Variants in RSBN1L observed in about 807,000 individuals in gnomAD.
RSBN1L encodes round spermatid basic protein 1 like, also known as lysine-specific demethylase RSBN1L.
RSBN1L carries 30 observed loss-of-function variants against 67.7 expected under a neutral mutation model. The ratio of observed to expected loss-of-function variants is 0.44; its 90% CI spans 0.33 to 0.60. The LOEUF (loss-of-function observed/expected upper bound fraction) is 0.60, where lower values mean the gene tolerates loss of function less well. Among genes scored for constraint, RSBN1L ranks in the 20% least tolerant of loss-of-function variants. RSBN1L has a pLI of 0.02. For missense variants in RSBN1L, 992 were observed against 1,031.7 expected (o/e 0.96, Z 0.53); for synonymous variants, 433 against 387.0 (o/e 1.12, Z -1.39).
intron 1 of RSBN1L, among the ~76,000 whole-genome samples, chr7:77,723,613 C>T (rs1022513316): frequency 4.6e-5 from 7 of 152,212 alleles, no homozygotes; most frequent in African/African-American, 1.7e-4. Context: ...GGACTGCAGG[C>T]ATGTACCACC....
At chr7:77,711,403 G>A (rs1430142549) in intron 1 of RSBN1L, among the ~76,000 whole-genome samples, 2 of 149,070 alleles carry the variant, frequency 1.3e-5, no homozygotes, top group Non-Finnish European at 1.5e-5. Context: ...GCAGTGGCTT[G>A]ATTATAGCCC....
chr7:77,746,891 C>T (rs1308906685), intron 2 of RSBN1L, among the ~76,000 whole-genome samples: 1 of 152,168 alleles, frequency 6.6e-6, no homozygotes, highest in Non-Finnish European at 1.5e-5. Context: ...ACTCCATGAC[C>T]CACATCCAGG....
intron 6 of RSBN1L, among the ~76,000 whole-genome samples, chr7:77,775,982 G>A (rs1584306893): frequency 6.6e-6 from 1 of 152,164 alleles, no homozygotes; most frequent in East Asian, 1.9e-4. Flanking sequence ...CTTGAACCTA[G>A]GAGGTGAAGG....
At chr7:77,736,606 A>T in intron 2 of RSBN1L, 80 bp downstream of exon 2, 5 of 774,452 alleles carry the variant, frequency 6.5e-6, no homozygotes, top group East Asian at 4.0e-5. Context: ...AAAATAAGAA[A>T]TGTTATTTGG....
At chr7:77,771,272 T>TG (rs1562810400) in intron 5 of RSBN1L, among the ~76,000 whole-genome samples, 146 of 151,714 alleles carry the variant, frequency 9.6e-4, no homozygotes, top group Middle Eastern at 3.4e-3. Flanking sequence ...CGGTTTTAGC[T>TG]GTTACAGTGA....
chr7:77,723,132 A>T (rs950791029), intron 1 of RSBN1L, among the ~76,000 whole-genome samples: 30 of 151,682 alleles, frequency 2.0e-4, no homozygotes, highest in African/African-American at 7.3e-4. Flanking sequence ...TCGCCTGGCT[A>T]ATTTTGTATT....
chr7:77,708,891 G>A (rs986149882), intron 1 of RSBN1L, among the ~76,000 whole-genome samples: 5 of 152,092 alleles, frequency 3.3e-5, no homozygotes, highest in African/African-American at 1.2e-4. Flanking sequence ...GACATGGCAA[G>A]GAAAACCTAG....
At chr7:77,720,579 A>AAGTGTTATTATCTATAC (rs1387577802) in intron 1 of RSBN1L, among the ~76,000 whole-genome samples, 1 of 152,164 alleles carries the variant, frequency 6.6e-6, no homozygotes, top group Non-Finnish European at 1.5e-5. Flanking sequence ...TGCAGAAGAC[A>AAGTGTTATTATCTATAC]AGTGTTATTA....
chr7:77,722,790 T>C (rs1362703789), intron 1 of RSBN1L, among the ~76,000 whole-genome samples: 1 of 151,934 alleles, frequency 6.6e-6, no homozygotes, highest in Admixed American at 6.6e-5. Flanking sequence ...AATGTCATTG[T>C]TGTCGTTCAG....
intron 1 of RSBN1L, among the ~76,000 whole-genome samples, chr7:77,728,403 A>T (rs190604390): frequency 8.5e-5 from 13 of 152,292 alleles, no homozygotes. Context: ...TGAAGAGTTC[A>T]TTTCCATAGT....
chr7:77,719,975 GGCT>G (rs1275393413), intron 1 of RSBN1L, among the ~76,000 whole-genome samples: 3 of 152,122 alleles, frequency 2.0e-5, no homozygotes, highest in Non-Finnish European at 4.4e-5. Context: ...ATATTGTCCA[GGCT>G]GGCCTTGAAC....
At chr7:77,722,535 G>A (rs1280497337) in intron 1 of RSBN1L, among the ~76,000 whole-genome samples, 1 of 152,146 alleles carries the variant, frequency 6.6e-6, no homozygotes, top group African/African-American at 2.4e-5. Context: ...TTAGCGAGGG[G>A]CTGTGATAAA....
intron 1 of RSBN1L, among the ~76,000 whole-genome samples, chr7:77,711,034 T>G (rs768711736): frequency 6.6e-6 from 1 of 152,190 alleles, no homozygotes; most frequent in Non-Finnish European, 1.5e-5. Flanking sequence ...TGCAGTATAT[T>G]TCAGCCCTTT....
chr7:77,729,423 A>G (rs1461480339), intron 1 of RSBN1L, among the ~76,000 whole-genome samples: 1 of 152,194 alleles, frequency 6.6e-6, no homozygotes, highest in Admixed American at 6.5e-5. Flanking sequence ...AAACCAGATG[A>G]GATTATTTTG....
intron 1 of RSBN1L, among the ~76,000 whole-genome samples, chr7:77,727,667 T>G (rs1245213234): frequency 1.3e-5 from 2 of 152,068 alleles, no homozygotes; most frequent in Non-Finnish European, 2.9e-5. Context: ...GGCCTCACTT[T>G]CTTCCCCAGG....
intron 5 of RSBN1L, among the ~76,000 whole-genome samples, chr7:77,772,223 A>C (rs190644172): frequency 1.4e-4 from 22 of 152,232 alleles, no homozygotes; most frequent in Non-Finnish European, 2.4e-4. Context: ...GGGGTGCACA[A>C]AGAGTAGTTA....
intron 2 of RSBN1L, among the ~76,000 whole-genome samples, chr7:77,740,679 A>G (rs530603005): frequency 6.6e-6 from 1 of 152,354 alleles, no homozygotes; most frequent in South Asian, 2.1e-4. Flanking sequence ...AATTAGTGGT[A>G]GAATTAACTC....
chr7:77,697,626 T>G (rs1301148697), intron 1 of RSBN1L, among the ~76,000 whole-genome samples: 1 of 152,146 alleles, frequency 6.6e-6, no homozygotes, highest in Non-Finnish European at 1.5e-5. Context: ...GTACCCTCCC[T>G]GCACCCTACT....
intron 1 of RSBN1L, among the ~76,000 whole-genome samples, chr7:77,707,290 C>A (rs1466594348): frequency 6.6e-6 from 1 of 152,120 alleles, no homozygotes; most frequent in Non-Finnish European, 1.5e-5. Flanking sequence ...TCCCAAAGTG[C>A]TGGGATTATA....
Sources: gnomAD v4.1 joint callset for allele counts (sites outside exome capture counted in the v4.1 genomes callset) on GRCh38, gnomAD v4.1.1 for gene constraint, MANE v1.5 for transcripts, NCBI Gene and HGNC (gene_info 2026-07-23, HGNC 2026-07-21) for gene names.